The following FGF13 variants were observed in gnomAD, a reference collection of about 807,000 sequenced individuals.
FGF13 encodes the protein fibroblast growth factor homologous factor 2.
A neutral mutation model predicts 19.5 loss-of-function variants in FGF13; 2 were observed. The observed-to-expected ratio is 0.10, with a 90% confidence interval of 0.04 to 0.32. The LOEUF (loss-of-function observed/expected upper bound fraction) is 0.32, where lower values mean the gene tolerates loss of function less well. FGF13 is among the 10% of genes least tolerant of loss of function. FGF13 has a pLI of 1.00. For synonymous variants in FGF13, 72 were observed against 76.9 expected, an observed-to-expected ratio of 0.94 and a Z score of 0.33; for missense variants, 113 against 192.7, an observed-to-expected ratio of 0.59 and a Z score of 2.45.
intron 1 of FGF13, among the ~76,000 whole-genome samples, chrX:139,098,198 G>T (rs953350224): frequency 2.9e-4 from 32 of 111,463 alleles, no homozygotes; most frequent in African/African-American, 9.8e-4. Context: ...AGAAGCCCAT[G>T]ACCCCCACCT....
At position 139,029,972 on chromosome X, in the gene FGF13, C is replaced by A. The variant is rs181917971; in HGVS notation, c.-112-165322G>T. On this transcript the variant is annotated intron_variant, in intron 1 of 2. Coordinates refer to the FGF13 transcript ENST00000421460. Reference sequence around the variant, plus strand: ...TACCATCTTTCTCACAACTATTCAACTCTGCAATTATAGTGCAAATCCAGA... The same window carrying A: ...TACCATCTTTCTCACAACTATTCAAATCTGCAATTATAGTGCAAATCCAGA... Among the ~76,000 whole-genome samples, 13 of 111,788 alleles carry A rather than the reference C, an allele frequency of 1.2e-4. No individual in the cohort carries two copies. The East Asian group carries it at 3.7e-3, about 32-fold the overall frequency.
chrX:139,204,048 G>T, upstream of FGF13: 2 of 1,209,254 alleles, frequency 1.7e-6, no homozygotes, highest in East Asian at 5.9e-5. Context: ...GGACTCGGCG[G>T]GCGGGCTTAC....
chrX:138,658,796 AG>A (rs1363047631), intron 3 of FGF13, among the ~76,000 whole-genome samples: 115 of 112,068 alleles, frequency 1.0e-3, no homozygotes, highest in African/African-American at 3.2e-3. Context: ...TTACAAGTTA[AG>A]GGATGATAAA....
chrX:139,157,824 C>T (rs922538035), intron 1 of FGF13, among the ~76,000 whole-genome samples: 3 of 112,144 alleles, frequency 2.7e-5, no homozygotes, highest in South Asian at 3.7e-4. Flanking sequence ...TCGGGGTGGC[C>T]GAATAGGAAC....
chrX:138,826,568 T>A (rs2091035669), intron 3 of FGF13, among the ~76,000 whole-genome samples: 1 of 112,208 alleles, frequency 8.9e-6, no homozygotes, highest in Non-Finnish European at 1.9e-5. Context: ...TGAAAGCCTC[T>A]TCATGATCTG....
At chrX:138,806,511 C>T (rs1346881112) in intron 3 of FGF13, 1 of 112,567 alleles carries the variant, frequency 8.9e-6, no homozygotes, top group East Asian at 2.8e-4. Flanking sequence ...AGCAGGGCCT[C>T]CAGAAGAATC....
intron 2 of FGF13, among the ~76,000 whole-genome samples, chrX:138,706,097 G>A (rs1436667222): frequency 8.9e-6 from 1 of 112,216 alleles, no homozygotes; most frequent in African/African-American, 3.2e-5. Context: ...TCATCAGTTG[G>A]CCAAGGTCAA....
At chrX:138,735,536 C>T (rs1356627818) in intron 1 of FGF13, among the ~76,000 whole-genome samples, 1 of 111,925 alleles carries the variant, frequency 8.9e-6, no homozygotes, top group Admixed American at 9.5e-5. Flanking sequence ...AGTAAGTGGC[C>T]ATGCCAGTTA....
At chrX:138,951,501 T>C (rs1195909408) in intron 1 of FGF13, among the ~76,000 whole-genome samples, 3 of 111,017 alleles carry the variant, frequency 2.7e-5, no homozygotes, top group Non-Finnish European at 3.8e-5. Flanking sequence ...AAAAAAAATA[T>C]ACCAGACAAA....
chrX:138,821,810 G>A (rs995490018), intron 3 of FGF13, among the ~76,000 whole-genome samples: 1 of 111,529 alleles, frequency 9.0e-6, no homozygotes. Flanking sequence ...GATCAATGGC[G>A]ATAAAATTGA....
At chrX:138,809,444 C>A (rs1026445988) in intron 3 of FGF13, among the ~76,000 whole-genome samples, 1 of 111,427 alleles carries the variant, frequency 9.0e-6, no homozygotes, top group Non-Finnish European at 1.9e-5. Context: ...TAGAACATAT[C>A]TCAAAATAAT....
At chrX:139,124,437 G>A (rs2083700489) in intron 1 of FGF13, among the ~76,000 whole-genome samples, 1 of 111,827 alleles carries the variant, frequency 8.9e-6, no homozygotes, top group Non-Finnish European at 1.9e-5. Flanking sequence ...TCCCTTCAGT[G>A]CCCTCACAGG....
At chrX:139,194,719 T>A (rs2084358351) in intron 1 of FGF13, among the ~76,000 whole-genome samples, 2 of 111,461 alleles carry the variant, frequency 1.8e-5, no homozygotes, top group Non-Finnish European at 3.8e-5. Context: ...CCACCAGCGC[T>A]GCTCTGACCG....
downstream of FGF13, among the ~76,000 whole-genome samples, chrX:138,852,849 A>C (rs2124131227): frequency 9.0e-6 from 1 of 111,696 alleles, no homozygotes; most frequent in East Asian, 2.8e-4. Flanking sequence ...GAACTTAAAC[A>C]AATTTACAAG....
intron 1 of FGF13, among the ~76,000 whole-genome samples, chrX:138,734,477 G>T (rs1224372650): frequency 9.0e-6 from 1 of 111,363 alleles, no homozygotes; most frequent in African/African-American, 3.3e-5. Context: ...AGGGGAAAAT[G>T]AGCACAAAGG....
intron 1 of FGF13, among the ~76,000 whole-genome samples, chrX:139,197,608 C>T (rs1184660160): frequency 9.0e-6 from 1 of 111,598 alleles, no homozygotes; most frequent in African/African-American, 3.3e-5. Context: ...GGGTTATCAA[C>T]AGGGGATGAA....
chrX:138,633,098 T>C (rs1055090504), intron 4 of FGF13, 112 bp from the exon 5 acceptor site: 2 of 751,567 alleles, frequency 2.7e-6, no homozygotes. Context: ...ATGATAAGTA[T>C]GTGAGGTAAT....
chrX:138,933,341 A>G (rs982260665), intron 1 of FGF13, among the ~76,000 whole-genome samples: 28 of 112,076 alleles, frequency 2.5e-4, no homozygotes, highest in Admixed American at 1.9e-4. Context: ...AAGATTCCCT[A>G]AGATATTTCT....
intron 1 of FGF13, among the ~76,000 whole-genome samples, chrX:139,032,169 G>A (rs62602197): frequency 0.13 from 14,629 of 111,307 alleles, 770 homozygotes; most frequent in South Asian, 0.19. Context: ...CTAAGCAGAT[G>A]CTTTCCCCAC....
Sources: allele counts gnomAD v4.1 joint callset (sites outside exome capture counted in the v4.1 genomes callset), GRCh38; gene constraint gnomAD v4.1.1; transcripts MANE v1.5; gene names NCBI Gene and HGNC (gene_info 2026-07-23, HGNC 2026-07-21).